RTN1: variants seen among roughly 807,000 people sequenced by gnomAD.
The protein encoded by RTN1 is reticulon-1.
A neutral mutation model predicts 65.5 loss-of-function variants in RTN1; 25 were observed. That is an observed-to-expected ratio of 0.38 (90% CI 0.28 to 0.53). The LOEUF (loss-of-function observed/expected upper bound fraction) is 0.53. Ranked by LOEUF, RTN1 falls within the 20% of genes least tolerant of loss-of-function variation. The pLI, the probability that RTN1 is intolerant of heterozygous loss-of-function variation, is 0.79. For synonymous variants in RTN1, 471 were observed against 447.6 expected, an observed-to-expected ratio of 1.05 and a Z score of -0.66; for missense variants, 983 against 1,025.4, an observed-to-expected ratio of 0.96 and a Z score of 0.57.
In RTN1 at chr14:59,658,269, A is replaced by C. The variant is rs1594658647; in HGVS notation, c.1766-50777T>G. On this transcript the variant is annotated intron_variant, in intron 3 of 8. Coordinates refer to ENST00000267484, the MANE Select transcript of RTN1 (RefSeq NM_021136.3). Reference sequence around the variant, plus strand: ...CCCCAGTCAGGGGCTTATAGATAAAACTCCCAGTTCCCTGCAACAGAGCAC... The same window carrying C: ...CCCCAGTCAGGGGCTTATAGATAAACCTCCCAGTTCCCTGCAACAGAGCAC... Among the ~76,000 whole-genome samples, 2 of 151,992 alleles carry C rather than the reference A, an allele frequency of 1.3e-5. 1 individual carries two copies. Among genetic ancestry groups the C allele is most frequent in the South Asian group, 4.2e-4 (2 of 4,808 alleles).
chr14:59,797,534 A>T (rs577093306), intron 1 of RTN1, among the ~76,000 whole-genome samples: 156 of 152,322 alleles, frequency 1.0e-3, no homozygotes, highest in Admixed American at 1.8e-3. Context: ...CTATTTAGTA[A>T]AAAGAATACT....
Position 59,607,333 on chromosome 14 carries a change from T to C in RTN1, c.1925A>G (p.Lys642Arg). ...LSATISFRIYKSVLQAVQKTD... is the reference protein window; with the variant it reads ...LSATISFRIYRSVLQAVQKTD... ...TTTCTGCACTGCTTGTAAAACAGACTTGTAGATGCGGAAACTGATGGTGGC... is the reference window on the plus strand; with the variant it reads ...TTTCTGCACTGCTTGTAAAACAGACCTGTAGATGCGGAAACTGATGGTGGC... Residue 642 changes from lysine (K) to arginine (R), a missense_variant, in exon 4 of 9, where the codon AAG (lysine) becomes AGG (arginine). Lys to Arg is a conservative substitution (Grantham distance 26). Around this residue, in one of 2 missense-constraint regions of RTN1, gnomAD observed 165 missense variants for 223.6 expected, o/e 0.74. Transcript: ENST00000267484. 1 of 1,614,128 alleles carries C rather than the reference T, an allele frequency of 6.2e-7. No homozygotes were observed. Among genetic ancestry groups the C allele is most frequent in the Non-Finnish European group, 8.5e-7 (1 of 1,180,026 alleles).
intron 3 of RTN1, among the ~76,000 whole-genome samples, chr14:59,695,878 A>C (rs1884053408): frequency 6.6e-6 from 1 of 152,116 alleles, no homozygotes; most frequent in Admixed American, 6.6e-5. Flanking sequence ...CACATATCAG[A>C]AAGATTATAA....
intron 3 of RTN1, among the ~76,000 whole-genome samples, chr14:59,720,005 G>A (rs969918574): frequency 3.9e-5 from 6 of 152,144 alleles, no homozygotes; most frequent in Non-Finnish European, 8.8e-5. Flanking sequence ...TTCCATTTCA[G>A]GAGCTGATCA....
rs187647475 is a variant in RTN1 at position 59,714,059 on chromosome 14, C to T, written c.1765+12860G>A. Among the ~76,000 whole-genome samples, 1,161 of 152,148 alleles carry T rather than the reference C, an allele frequency of 7.6e-3. 18 individuals carry two copies. Among genetic ancestry groups the T allele is most frequent in the African/African-American group, 0.027 (1,124 of 41,530 alleles). On this transcript the variant is annotated intron_variant, in intron 3 of 8. Transcript: ENST00000267484. The stretch of plus-strand genomic sequence containing the variant: ...GGCCAGCCTGGCCAACATAGTGAAA[C>T]TCTGTCTCTACTAAAAATAAAAAAA...
chr14:59,752,819 A>G (rs1322578826), intron 1 of RTN1, among the ~76,000 whole-genome samples: 1 of 152,214 alleles, frequency 6.6e-6, no homozygotes, highest in African/African-American at 2.4e-5. Context: ...AATGCAAATT[A>G]CAAAGAGGAC....
intron 3 of RTN1, among the ~76,000 whole-genome samples, chr14:59,707,212 A>G (rs1255839742): frequency 6.6e-6 from 1 of 152,244 alleles, no homozygotes; most frequent in East Asian, 1.9e-4. Context: ...ATGTTGAAAC[A>G]TAATTAATTA....
In RTN1 at chr14:59,749,160, CTATCTA is replaced by C. The variant is rs1566710951; in HGVS notation, c.242-2685_242-2680del. On this transcript the variant is annotated intron_variant, in intron 1 of 8. Coordinates refer to ENST00000267484, the MANE Select transcript of RTN1 (RefSeq NM_021136.3). ...TATCTATCTATCTATCTATCTATAT[CTATCTA>C]TATATCTATCTATATATCTATCTAT... Among the ~76,000 whole-genome samples the C allele has an allele frequency of 7.2e-3, 399 of 55,214 alleles. 40 individuals carry two copies. Among genetic ancestry groups the C allele is most frequent in the Non-Finnish European group, 9.1e-3 (292 of 32,172 alleles). 36.2% of individuals were successfully genotyped at this position (55,214 alleles called of 152,430 possible).
At position 59,643,132 on chromosome 14, in the gene RTN1, A is replaced by G. The variant is rs145080721; in HGVS notation, c.1766-35640T>C. On this transcript the variant is annotated intron_variant, in intron 3 of 8. Coordinates refer to ENST00000267484, the MANE Select transcript of RTN1 (RefSeq NM_021136.3). The stretch of plus-strand genomic sequence containing the variant: ...AGAAAAAAGAAAGAACACAAGGCCA[A>G]GGATGGTGGATCATTCCTGTAATCC... 5.8e-4 allele frequency among the ~76,000 whole-genome samples: 89 copies of G among 152,300 alleles called. 2 individuals carry two copies. In the South Asian group the frequency reaches 6.8e-3, roughly 12 times the overall value.
chr14:59,636,143 C>G (rs1448355036), intron 3 of RTN1, among the ~76,000 whole-genome samples: 1 of 152,156 alleles, frequency 6.6e-6, no homozygotes, highest in Non-Finnish European at 1.5e-5. Flanking sequence ...ATGGAAAATG[C>G]TATACCGAGT....
At chr14:59,780,196 G>C (rs1386649940) in intron 1 of RTN1, among the ~76,000 whole-genome samples, 2 of 152,162 alleles carry the variant, frequency 1.3e-5, no homozygotes, top group African/African-American at 4.8e-5. Context: ...ACTGTGATTT[G>C]TGCTGTAAAA....
chr14:59,771,223 A>T (rs1339960100), intron 1 of RTN1, among the ~76,000 whole-genome samples: 1 of 152,190 alleles, frequency 6.6e-6, no homozygotes, highest in Non-Finnish European at 1.5e-5. Context: ...CATATTTGCA[A>T]AACAGTTAGA....
chr14:59,819,631 C>T (rs1196955231), intron 1 of RTN1, among the ~76,000 whole-genome samples: 2 of 151,990 alleles, frequency 1.3e-5, no homozygotes, highest in East Asian at 1.9e-4. Context: ...TCGATGGGAC[C>T]GGGCGCTGCG....
chr14:59,865,695 C>A (rs1887785933), intron 1 of RTN1, among the ~76,000 whole-genome samples: 1 of 152,148 alleles, frequency 6.6e-6, no homozygotes. Context: ...TTTACAATGA[C>A]TTTAGCCTAG....
At chr14:59,733,334 T>G (rs1884940897) in intron 2 of RTN1, among the ~76,000 whole-genome samples, 1 of 152,184 alleles carries the variant, frequency 6.6e-6, no homozygotes, top group Non-Finnish European at 1.5e-5. Flanking sequence ...CCTCAAGTGA[T>G]CCACCCACTT....
At chr14:59,723,067 G>A (rs990261927) in intron 3 of RTN1, among the ~76,000 whole-genome samples, 10 of 151,994 alleles carry the variant, frequency 6.6e-5, no homozygotes, top group African/African-American at 2.4e-4. Context: ...CAAAGTGCTG[G>A]GGCTACAGGT....
intron 3 of RTN1, among the ~76,000 whole-genome samples, chr14:59,695,203 A>G (rs1196248838): frequency 1.3e-5 from 2 of 152,170 alleles, no homozygotes; most frequent in African/African-American, 2.4e-5. Context: ...AGCTCAGACC[A>G]TAATCCCAGA....
intron 1 of RTN1, among the ~76,000 whole-genome samples, chr14:59,795,201 G>A (rs1886417930): frequency 6.6e-6 from 1 of 152,042 alleles, no homozygotes; most frequent in Admixed American, 6.5e-5. Context: ...GGACAAAACT[G>A]GAATTTGTCC....
intron 3 of RTN1, among the ~76,000 whole-genome samples, chr14:59,667,948 A>T (rs1273833239): frequency 6.6e-6 from 1 of 152,194 alleles, no homozygotes; most frequent in African/African-American, 2.4e-5. Flanking sequence ...TCAACGAAAT[A>T]AAAGAGGACA....
Sources: gnomAD v4.1 joint callset for allele counts (sites outside exome capture counted in the v4.1 genomes callset) on GRCh38, gnomAD v4.1.1 for gene constraint, gnomAD v4.1.1 regional missense constraint, MANE v1.5 for transcripts, NCBI Gene and HGNC (gene_info 2026-07-23, HGNC 2026-07-21) for gene names.